NAALADL2: variants seen among roughly 807,000 people sequenced by gnomAD.
NAALADL2 encodes the protein N-acetylated alpha-linked acidic dipeptidase like 2.
A neutral mutation model predicts 87.2 loss-of-function variants in NAALADL2; 76 were observed. That is an observed-to-expected ratio of 0.87 (90% CI 0.72 to 1.05). NAALADL2 has a LOEUF of 1.05. Ranked by LOEUF, NAALADL2 falls within the 50% of genes least tolerant of loss-of-function variation. NAALADL2 has a pLI of 0.00. For synonymous variants in NAALADL2, 354 were observed against 331.0 expected (o/e 1.07, Z -0.75); for missense variants, 1,089 against 945.8 (o/e 1.15, Z -1.99).
chr3:174,684,245 A>G (rs1727830620), intron 2 of NAALADL2, among the ~76,000 whole-genome samples: 1 of 152,134 alleles, frequency 6.6e-6, no homozygotes. Flanking sequence ...ATTCAGGTGG[A>G]GTAAATAATA....
intron 2 of NAALADL2, among the ~76,000 whole-genome samples, chr3:174,665,896 C>T (rs1725913984): frequency 6.6e-6 from 1 of 152,126 alleles, no homozygotes; most frequent in South Asian, 2.1e-4. Flanking sequence ...TTATCCTATT[C>T]TCTTATTCAG....
intron 10 of NAALADL2, among the ~76,000 whole-genome samples, chr3:175,589,796 G>GAAAAAAA (rs201503672): frequency 4.0e-5 from 4 of 99,098 alleles, no homozygotes; most frequent in African/African-American, 7.5e-5. Context: ...TGACAAAATT[G>GAAAAAAA]AAAAAAAAAA....
At chr3:174,778,923 G>T (rs1429030633) in intron 3 of NAALADL2, among the ~76,000 whole-genome samples, 1 of 152,132 alleles carries the variant, frequency 6.6e-6, no homozygotes, top group African/African-American at 2.4e-5. Flanking sequence ...ATTGTGAACA[G>T]TGCCACAGTA....
intron 1 of NAALADL2, among the ~76,000 whole-genome samples, chr3:174,516,808 GTCTTTA>G (rs1335028945): frequency 1.1e-4 from 16 of 151,682 alleles, no homozygotes; most frequent in African/African-American, 3.4e-4. Context: ...CAAATGACAT[GTCTTTA>G]TGCTAAATGG....
chr3:174,855,819 C>T (rs1437124819), upstream of NAALADL2, among the ~76,000 whole-genome samples: 7 of 117,342 alleles, frequency 6.0e-5, no homozygotes, highest in African/African-American at 1.4e-4. Flanking sequence ...CACACACACA[C>T]ATGTATATGT....
At chr3:174,575,427 T>C (rs999370178) in intron 2 of NAALADL2, among the ~76,000 whole-genome samples, 3 of 152,202 alleles carry the variant, frequency 2.0e-5, no homozygotes, top group Non-Finnish European at 4.4e-5. Flanking sequence ...CTACTCAGTT[T>C]AAAGCCCAAA....
At chr3:175,412,930 T>A (rs866721961) in intron 5 of NAALADL2, among the ~76,000 whole-genome samples, 9 of 18,674 alleles carry the variant, frequency 4.8e-4, no homozygotes, top group African/African-American at 1.5e-3. Flanking sequence ...TATTATTATT[T>A]TTGAGACGGA....
At chr3:174,809,095 A>T (rs897401299) in intron 3 of NAALADL2, among the ~76,000 whole-genome samples, 4 of 152,190 alleles carry the variant, frequency 2.6e-5, no homozygotes, top group African/African-American at 9.6e-5. Context: ...TGAAAAGCCA[A>T]ATTAGTAATA....
intron 1 of NAALADL2, among the ~76,000 whole-genome samples, chr3:174,860,372 A>C (rs545043960): frequency 7.9e-5 from 12 of 152,170 alleles, no homozygotes; most frequent in African/African-American, 2.9e-4. Context: ...AAATGCTACT[A>C]TAAAGCATTT....
chr3:175,280,618 C>T (rs866432345), intron 4 of NAALADL2, among the ~76,000 whole-genome samples: 11 of 152,020 alleles, frequency 7.2e-5, no homozygotes, highest in African/African-American at 1.2e-4. Context: ...TCACTTGCTT[C>T]GGAATCTTCC....
intron 2 of NAALADL2, among the ~76,000 whole-genome samples, chr3:175,173,227 G>A (rs538395384): frequency 2.6e-4 from 40 of 152,052 alleles, no homozygotes; most frequent in African/African-American, 8.9e-4. Flanking sequence ...GGGAGGCGGA[G>A]TTTGCTGTGA....
At chr3:174,930,537 G>T (rs185095731) in intron 1 of NAALADL2, among the ~76,000 whole-genome samples, 1 of 147,704 alleles carries the variant, frequency 6.8e-6, no homozygotes. Context: ...CAGCATGAAT[G>T]AATAGCTTTG....
intron 3 of NAALADL2, among the ~76,000 whole-genome samples, chr3:175,234,709 C>T (rs2109498991): frequency 6.9e-6 from 1 of 144,528 alleles, no homozygotes; most frequent in South Asian, 2.3e-4. Context: ...TTTTCTGGGT[C>T]AGCAGATTTA....
At chr3:174,827,412 C>T (rs1722121649) in intron 3 of NAALADL2, among the ~76,000 whole-genome samples, 1 of 152,072 alleles carries the variant, frequency 6.6e-6, no homozygotes, top group Admixed American at 6.5e-5. Flanking sequence ...TTGCCTTTTC[C>T]CCACATTTAC....
chr3:174,461,814 T>C (rs1196037126), intron 1 of NAALADL2, among the ~76,000 whole-genome samples: 1 of 152,072 alleles, frequency 6.6e-6, no homozygotes, highest in Non-Finnish European at 1.5e-5. Flanking sequence ...CTCTTTCTCT[T>C]TATTCCCTCC....
intron 2 of NAALADL2, among the ~76,000 whole-genome samples, chr3:174,701,455 T>C (rs551496961): frequency 2.6e-5 from 4 of 152,204 alleles, no homozygotes; most frequent in African/African-American, 9.6e-5. Flanking sequence ...TAGTTTTATT[T>C]AGGTAAAACT....
chr3:175,430,192 A>C (rs970166995), intron 5 of NAALADL2, among the ~76,000 whole-genome samples: 5 of 151,920 alleles, frequency 3.3e-5, no homozygotes, highest in African/African-American at 1.2e-4. Context: ...TTGGCCGTTA[A>C]ATTATGCATT....
intron 11 of NAALADL2, among the ~76,000 whole-genome samples, chr3:175,641,587 C>A (rs1729295357): frequency 6.6e-6 from 1 of 152,156 alleles, no homozygotes; most frequent in Non-Finnish European, 1.5e-5. Context: ...CAATGCAAGT[C>A]TTCTAAGCTA....
At chr3:174,726,282 G>A (rs150548573) in intron 2 of NAALADL2, among the ~76,000 whole-genome samples, 1 of 152,174 alleles carries the variant, frequency 6.6e-6, no homozygotes, top group East Asian at 1.9e-4. Flanking sequence ...GCCCTGGGTT[G>A]CCCAATCTAT....
Sources: allele counts gnomAD v4.1 joint callset (sites outside exome capture counted in the v4.1 genomes callset), GRCh38; gene constraint gnomAD v4.1.1; transcripts MANE v1.5; gene names NCBI Gene and HGNC (gene_info 2026-07-23, HGNC 2026-07-21).